Variants in ZDHHC15 observed in about 807,000 individuals in gnomAD.
ZDHHC15 encodes zDHHC palmitoyltransferase 15.
A neutral mutation model predicts 31.7 loss-of-function variants in ZDHHC15; 19 were observed. The observed-to-expected ratio is 0.60, with a 90% CI of 0.42 to 0.88. ZDHHC15 has a LOEUF of 0.88. ZDHHC15 is among the 40% of genes least tolerant of loss of function. ZDHHC15 has a pLI of 0.00. For synonymous variants in ZDHHC15, 103 were observed against 90.0 expected (o/e 1.14, Z -0.82); for missense variants, 209 against 251.2 (o/e 0.83, Z 1.14).
At chrX:75,496,878 C>G (rs951318926) in intron 2 of ZDHHC15, among the ~76,000 whole-genome samples, 6 of 110,857 alleles carry the variant, frequency 5.4e-5, no homozygotes, top group Admixed American at 1.9e-4. Context: ...TATTAAGCAT[C>G]TACATCAAAA....
chrX:75,395,066 G>A (rs992401065), intron 10 of ZDHHC15, among the ~76,000 whole-genome samples: 1 of 111,416 alleles, frequency 9.0e-6, no homozygotes, highest in Non-Finnish European at 1.9e-5. Flanking sequence ...AGGAAGTTTG[G>A]AAAGTATATA....
intron 4 of ZDHHC15, among the ~76,000 whole-genome samples, chrX:75,438,794 G>C (rs750320254): frequency 3.3e-4 from 37 of 111,790 alleles, no homozygotes; most frequent in African/African-American, 1.1e-3. Context: ...GCTGTATTTT[G>C]AGGTTTTGTT....
chrX:75,424,489 CCTTT>C (rs1287381631), intron 8 of ZDHHC15, among the ~76,000 whole-genome samples, 159 bp downstream of exon 8: 13 of 111,564 alleles, frequency 1.2e-4, no homozygotes, highest in African/African-American at 3.6e-4. Flanking sequence ...ACTCACTATG[CCTTT>C]CTATTTCGGT....
At position 75,417,165 on chromosome X, in the gene ZDHHC15, T is replaced by C; in HGVS notation, c.889A>G (p.Met297Val). ...SSPGDGHSFP[M>V]RSMNESQNPL... The stretch of plus-strand genomic sequence containing the variant: ...TTCTGTGACTCATTCATAGACCTCA[T>C]AGGGAAGGAGTGTCCATCACCAGGG... The change falls in exon 10 of 12, where the codon ATG becomes GTG. Residue 297 changes from methionine (M) to valine (V), a missense_variant. Coordinates refer to ENST00000373367, the MANE Select transcript of ZDHHC15 (RefSeq NM_144969.3). The C allele has an allele frequency of 8.3e-7, 1 of 1,206,279 alleles. No homozygotes were observed. The highest frequency in any genetic ancestry group is 1.1e-6 in the Non-Finnish European group (1 of 891,746).
At position 75,377,333 on chromosome X, in the gene ZDHHC15, C is replaced by T. The variant is rs2083070488; in HGVS notation, c.*32+1787G>A. 2.7e-5 allele frequency among the ~76,000 whole-genome samples: 3 copies of T among 109,673 alleles called. No individual in the cohort carries two copies. In the South Asian group the frequency reaches 1.2e-3, roughly 44 times the overall value. Reference sequence around the variant, plus strand: ...CCAACAGGGAGAAACCCCATCTCTACCAAAAATACAAAAAGCAGCCGGGCG... The same window carrying T: ...CCAACAGGGAGAAACCCCATCTCTATCAAAAATACAAAAAGCAGCCGGGCG... On this transcript the variant is annotated intron_variant, in intron 11 of 11. Coordinates refer to ENST00000373367, the MANE Select transcript of ZDHHC15 (RefSeq NM_144969.3).
intron 4 of ZDHHC15, among the ~76,000 whole-genome samples, chrX:75,445,431 T>C (rs1402838770): frequency 8.9e-6 from 1 of 111,987 alleles, no homozygotes; most frequent in East Asian, 2.8e-4. Flanking sequence ...TGACTATATA[T>C]GATAATATTT....
At position 75,402,942 on chromosome X, in the gene ZDHHC15, C is replaced by T. The variant is rs751138077; in HGVS notation, c.967+14145G>A. ...CACAACAATAGCCACAACAACAATTCACCTTCAGGCCTATATCCTTGATGA... is the reference window on the plus strand; with the variant it reads ...CACAACAATAGCCACAACAACAATTTACCTTCAGGCCTATATCCTTGATGA... On this transcript the variant is annotated intron_variant, in intron 10 of 11. Transcript: ENST00000373367. Among the ~76,000 whole-genome samples the T allele has an allele frequency of 1.9e-3, 206 of 110,586 alleles. 2 individuals are homozygous for T. In the South Asian group the frequency reaches 0.026, roughly 14 times the overall value.
intron 4 of ZDHHC15, among the ~76,000 whole-genome samples, chrX:75,439,816 G>A (rs969215675): frequency 1.8e-5 from 2 of 111,427 alleles, no homozygotes; most frequent in Non-Finnish European, 3.8e-5. Flanking sequence ...AACGTTCTGT[G>A]GCTCAAGGGC....
At chrX:75,453,743 T>C (rs2084165919) in intron 3 of ZDHHC15, among the ~76,000 whole-genome samples, 1 of 109,941 alleles carries the variant, frequency 9.1e-6, no homozygotes, top group Admixed American at 9.7e-5. Flanking sequence ...CATATGAAAA[T>C]CAATAAACGT....
chrX:75,473,175 GC>G (rs1340166414), intron 3 of ZDHHC15, among the ~76,000 whole-genome samples: 1 of 111,860 alleles, frequency 8.9e-6, no homozygotes, highest in Non-Finnish European at 1.9e-5. Context: ...TCATCCCGAA[GC>G]AGCTGGATTG....
intron 4 of ZDHHC15, among the ~76,000 whole-genome samples, chrX:75,449,788 A>G (rs2084089545): frequency 8.9e-6 from 1 of 112,195 alleles, no homozygotes; most frequent in Non-Finnish European, 1.9e-5. Context: ...TATTAGAAAC[A>G]TTAGGATGAC....
At chrX:75,406,109 T>C (rs1318656150) in intron 10 of ZDHHC15, among the ~76,000 whole-genome samples, 4 of 110,777 alleles carry the variant, frequency 3.6e-5, no homozygotes, top group Non-Finnish European at 7.6e-5. Context: ...GGCCAATGAG[T>C]CAATGAAGAA....
rs979701891 is a variant in ZDHHC15, at chrX:75,432,970, C to T, written c.380-1450G>A. Among the ~76,000 whole-genome samples the T allele has an allele frequency of 2.3e-4, 25 of 110,023 alleles. No homozygotes were observed. The Admixed American group carries it at 2.4e-3, about 11-fold the overall frequency. ...CTGTACTCCAGCCTGGGCGATAGAG[C>T]AAGATCCTGTTTCTAAAAATAAAAA... On this transcript the variant is annotated intron_variant, in intron 4 of 11. Transcript: ENST00000373367.
At chrX:75,429,890 C>T in intron 6 of ZDHHC15, 58 bp downstream of exon 6, 1 of 1,111,793 alleles carries the variant, frequency 9.0e-7, no homozygotes, top group Non-Finnish European at 1.2e-6. Context: ...TAGAAAAGTG[C>T]ATATAATTGA....
intron 4 of ZDHHC15, among the ~76,000 whole-genome samples, chrX:75,443,038 C>T (rs1256571886): frequency 9.1e-6 from 1 of 109,551 alleles, no homozygotes; most frequent in Non-Finnish European, 1.9e-5. Flanking sequence ...GCCATACTGC[C>T]CAAGGTAATT....
chrX:75,399,398 C>T (rs1641374744), intron 10 of ZDHHC15, among the ~76,000 whole-genome samples: 1 of 111,862 alleles, frequency 8.9e-6, no homozygotes, highest in South Asian at 3.8e-4. Flanking sequence ...GTAGTTGACC[C>T]AAGGAGAGGA....
At chrX:75,494,481 C>A (rs1484834660) in intron 2 of ZDHHC15, among the ~76,000 whole-genome samples, 1 of 111,407 alleles carries the variant, frequency 9.0e-6, no homozygotes, top group Non-Finnish European at 1.9e-5. Context: ...CCAAGTCAAT[C>A]CTAAGCCAAA....
At position 75,438,562 on chromosome X, in the gene ZDHHC15, A is replaced by G. The variant is rs144903228; in HGVS notation, c.380-7042T>C. ...AAGTTTATGTCAGTCCTTTTATGTTAGGTGCGTTGAAGACAGCAGATACTT... is the reference window on the plus strand; with the variant it reads ...AAGTTTATGTCAGTCCTTTTATGTTGGGTGCGTTGAAGACAGCAGATACTT... On this transcript the variant is annotated intron_variant, in intron 4 of 11. Transcript: ENST00000373367. 3.1e-3 allele frequency among the ~76,000 whole-genome samples: 344 copies of G among 111,317 alleles called. 1 individual carries two copies. Among genetic ancestry groups the G allele is most frequent in the African/African-American group, 0.011 (337 of 30,567 alleles).
intron 2 of ZDHHC15, among the ~76,000 whole-genome samples, chrX:75,494,938 C>A (rs1234289899): frequency 8.9e-6 from 1 of 112,005 alleles, no homozygotes; most frequent in Non-Finnish European, 1.9e-5. Context: ...CAAATGGGAT[C>A]TAATTCAACT....
Sources: allele counts gnomAD v4.1 joint callset (sites outside exome capture counted in the v4.1 genomes callset), GRCh38; gene constraint gnomAD v4.1.1; transcripts MANE v1.5; gene names NCBI Gene and HGNC (gene_info 2026-07-23, HGNC 2026-07-21).